Variants in PDE4D observed in about 807,000 individuals in gnomAD.
PDE4D encodes phosphodiesterase 4D.
PDE4D carries 24 observed loss-of-function variants against 87.4 expected under a neutral mutation model. The observed-to-expected ratio is 0.27, with a 90% CI of 0.20 to 0.39. The LOEUF (loss-of-function observed/expected upper bound fraction) is 0.39, where lower values mean the gene tolerates loss of function less well. PDE4D is among the 10% of genes least tolerant of loss of function. The pLI is 1.00. For missense variants in PDE4D, 714 were observed against 1,041.0 expected (o/e 0.69, Z 4.32); for synonymous variants, 384 against 383.2 (o/e 1.00, Z -0.02).
chr5:59,496,864 C>T (rs1474419913), intron 1 of PDE4D, among the ~76,000 whole-genome samples: 1 of 152,132 alleles, frequency 6.6e-6, no homozygotes, highest in Non-Finnish European at 1.5e-5. Context: ...GCTTCTCCAG[C>T]AATTCCACTC....
chr5:59,317,787 G>A (rs1351355136), intron 1 of PDE4D, among the ~76,000 whole-genome samples: 1 of 152,040 alleles, frequency 6.6e-6, no homozygotes, highest in Admixed American at 6.6e-5. Context: ...TTTTTTCCAC[G>A]CAGTTCCCTT....
At chr5:60,293,912 T>C (rs1753150327) in intron 1 of PDE4D, among the ~76,000 whole-genome samples, 1 of 152,212 alleles carries the variant, frequency 6.6e-6, no homozygotes, top group South Asian at 2.1e-4. Flanking sequence ...TATGATATAA[T>C]TTTTTATGTG....
rs141559761 is a variant in PDE4D, at chr5:60,313,372, G to C, written c.-89-127685C>G. Among the ~76,000 whole-genome samples the C allele has an allele frequency of 1.3e-3, 203 of 152,238 alleles. 1 individual carries two copies. The highest frequency in any genetic ancestry group is 4.7e-3 in the African/African-American group (196 of 41,548). ...TTCCTGGAAACATACAACCTCCCAA[G>C]ATTGAACTAGGAAGAAATTCAAATC... On this transcript the variant is annotated intron_variant, in intron 1 of 16. Transcript: ENST00000502484.
intron 1 of PDE4D, among the ~76,000 whole-genome samples, chr5:59,571,405 G>T (rs1156919581): frequency 6.6e-6 from 1 of 152,170 alleles, no homozygotes; most frequent in African/African-American, 2.4e-5. Flanking sequence ...GGATACAGAA[G>T]GGGTGGAGAA....
At chr5:59,260,501 G>A (rs548381348) in intron 1 of PDE4D, among the ~76,000 whole-genome samples, 25 of 151,824 alleles carry the variant, frequency 1.6e-4, no homozygotes, top group South Asian at 4.2e-4. Context: ...CATGAATTAC[G>A]AAAGCAAATG....
intron 2 of PDE4D, among the ~76,000 whole-genome samples, chr5:60,014,380 G>A (rs1765324876): frequency 6.6e-6 from 1 of 152,112 alleles, no homozygotes; most frequent in African/African-American, 2.4e-5. Context: ...AGGACTTGCT[G>A]GCTTAGAAAA....
intron 3 of PDE4D, among the ~76,000 whole-genome samples, chr5:59,943,587 T>C (rs886951311): frequency 6.6e-6 from 1 of 152,196 alleles, no homozygotes; most frequent in African/African-American, 2.4e-5. Context: ...AATTTCCTCT[T>C]TGAGACTCAT....
intron 1 of PDE4D, among the ~76,000 whole-genome samples, chr5:59,249,510 ATAATTT>A (rs1759506624): frequency 6.6e-6 from 1 of 152,194 alleles, no homozygotes; most frequent in Non-Finnish European, 1.5e-5. Flanking sequence ...TTCCTTGCTG[ATAATTT>A]TAATAATTGG....
At chr5:60,213,905 T>A (rs1477797432) in intron 1 of PDE4D, among the ~76,000 whole-genome samples, 1 of 152,216 alleles carries the variant, frequency 6.6e-6, no homozygotes, top group East Asian at 1.9e-4. Flanking sequence ...AGAATAATCA[T>A]CTTAATGTAT....
intron 1 of PDE4D, among the ~76,000 whole-genome samples, chr5:59,219,430 T>C (rs1465312401): frequency 1.3e-5 from 2 of 152,126 alleles, no homozygotes; most frequent in Non-Finnish European, 2.9e-5. Flanking sequence ...AATCCTCTTA[T>C]AATCAAAATT....
At chr5:59,570,445 T>C (rs967098582) in intron 1 of PDE4D, among the ~76,000 whole-genome samples, 1 of 152,092 alleles carries the variant, frequency 6.6e-6, no homozygotes, top group Non-Finnish European at 1.5e-5. Flanking sequence ...TACAGGAAAA[T>C]ATGTAAAGTA....
chr5:59,586,788 G>C, intron 1 of PDE4D: 1 of 985,368 alleles, frequency 1.0e-6, no homozygotes, highest in Non-Finnish European at 1.2e-6. Context: ...ACAGTTTCTT[G>C]ATATCCTTGT....
intron 2 of PDE4D, among the ~76,000 whole-genome samples, chr5:60,111,004 A>C (rs1436336597): frequency 1.3e-5 from 2 of 152,064 alleles, no homozygotes; most frequent in Admixed American, 1.3e-4. Context: ...GAGATTGGGA[A>C]GGATGGGGGA....
intron 1 of PDE4D, among the ~76,000 whole-genome samples, chr5:60,215,344 G>A (rs140269594): frequency 2.3e-3 from 351 of 152,188 alleles, no homozygotes; most frequent in African/African-American, 8.2e-3. Context: ...CTTGCAATGG[G>A]ATAAAAAACT....
rs570589354 is a variant in PDE4D, at chr5:59,464,369, A to C, written c.456-248401T>G. Among the ~76,000 whole-genome samples, 691 of 151,010 alleles carry C rather than the reference A, an allele frequency of 4.6e-3. 4 individuals carry two copies. The highest frequency in any genetic ancestry group is 0.016 in the African/African-American group (666 of 41,090). ...ACTGAGATAGGGAAAAACCGCCTTA[A>C]GGCTGGAGGTGGGACATGCGGGCAG... On this transcript the variant is annotated intron_variant, in intron 1 of 14. Coordinates refer to ENST00000340635, the MANE Select transcript of PDE4D (RefSeq NM_001104631.2).
At chr5:60,136,345 C>A (rs1286181059) in intron 2 of PDE4D, among the ~76,000 whole-genome samples, 1 of 149,548 alleles carries the variant, frequency 6.7e-6, no homozygotes, top group African/African-American at 2.5e-5. Context: ...GAGATGAAGT[C>A]TTGCTCTGTT....
Position 59,127,834 on chromosome 5 carries a change from C to A in PDE4D, c.808+52761G>T, listed in dbSNP as rs549114163. On this transcript the variant is annotated intron_variant, in intron 5 of 14. Coordinates refer to ENST00000340635, the MANE Select transcript of PDE4D (RefSeq NM_001104631.2). The stretch of plus-strand genomic sequence containing the variant: ...CTCTCAGCAAAATGTGGACCGGATT[C>A]TGAAACGCAAAGGACTCCCCGTTCC... Among the ~76,000 whole-genome samples the A allele has an allele frequency of 2.0e-4, 31 of 152,054 alleles. No homozygotes were observed. In the South Asian group the frequency reaches 6.4e-3, roughly 32 times the overall value.
At chr5:59,041,231 C>A (rs1307232611) in intron 5 of PDE4D, among the ~76,000 whole-genome samples, 1 of 152,102 alleles carries the variant, frequency 6.6e-6, no homozygotes, top group Non-Finnish European at 1.5e-5. Context: ...TTCCCCAATT[C>A]TAAGAATGTA....
chr5:59,918,943 TA>T (rs1435386369), intron 3 of PDE4D, among the ~76,000 whole-genome samples: 2 of 152,188 alleles, frequency 1.3e-5, no homozygotes, highest in African/African-American at 4.8e-5. Context: ...TTTAACCCAG[TA>T]AATTTTTGAA....
Sources: gnomAD v4.1 joint callset for allele counts (sites outside exome capture counted in the v4.1 genomes callset) on GRCh38, gnomAD v4.1.1 for gene constraint, MANE v1.5 for transcripts, NCBI Gene and HGNC (gene_info 2026-07-23, HGNC 2026-07-21) for gene names.